The following ACCSL variants were observed in gnomAD, a reference collection of about 807,000 sequenced individuals.
The protein encoded by ACCSL is 1-aminocyclopropane-1-carboxylate synthase homolog (inactive) like.
A neutral mutation model predicts 61.7 loss-of-function variants in ACCSL; 55 were observed. That is an observed-to-expected ratio of 0.89 (90% CI 0.72 to 1.12). The LOEUF (loss-of-function observed/expected upper bound fraction) is 1.12, where lower values mean the gene tolerates loss of function less well. ACCSL is among the 50% of genes most tolerant of loss of function. The pLI is 0.00. For missense variants in ACCSL, 632 were observed against 698.0 expected (o/e 0.91, Z 1.07); for synonymous variants, 258 against 264.3 (o/e 0.98, Z 0.23).
chr11:43,929,655 C>T, the ACCSL span, among the ~76,000 whole-genome samples: 2 of 152,180 alleles, frequency 1.3e-5, no homozygotes, highest in Non-Finnish European at 2.9e-5. Context: ...GATCCACCCA[C>T]CTTGGCTTCC....
chr11:44,020,685 T>C, the ACCSL span, among the ~76,000 whole-genome samples: 1 of 152,190 alleles, frequency 6.6e-6, no homozygotes, highest in African/African-American at 2.4e-5. Context: ...GTTACATGGA[T>C]AAGTTCTTTA....
At chr11:44,038,960 T>C in the ACCSL span, among the ~76,000 whole-genome samples, 2 of 152,164 alleles carry the variant, frequency 1.3e-5, no homozygotes, top group African/African-American at 2.4e-5. Context: ...GCACAGGAAA[T>C]AGGGGATCAG....
At chr11:43,997,718 T>G in the ACCSL span, among the ~76,000 whole-genome samples, 1 of 152,242 alleles carries the variant, frequency 6.6e-6, no homozygotes, top group African/African-American at 2.4e-5. Context: ...CTGCAAGTAT[T>G]GGAAACCCCA....
the ACCSL span, among the ~76,000 whole-genome samples, chr11:44,003,500 A>C: frequency 6.7e-3 from 1,022 of 152,116 alleles, 5 homozygotes; most frequent in African/African-American, 0.023. Context: ...AAAAAGTACA[A>C]AAATTAGCTG....
chr11:43,932,443 A>G, the ACCSL span, among the ~76,000 whole-genome samples: 1 of 152,050 alleles, frequency 6.6e-6, no homozygotes, highest in Non-Finnish European at 1.5e-5. Flanking sequence ...AACTTTTTGT[A>G]TTTTTAGTAG....
At position 44,050,577 on chromosome 11, in the gene ACCSL, T is replaced by C. The variant is rs201175579; in HGVS notation, c.590T>C (p.Ile197Thr). 17 of 1,614,016 alleles carry C rather than the reference T, an allele frequency of 1.1e-5. No homozygotes were observed. Among genetic ancestry groups the C allele is most frequent in the East Asian group, 8.9e-5 (4 of 44,892 alleles). The change falls in exon 3 of 14, where the codon ATT becomes ACT. Residue 197 changes from isoleucine (I) to threonine (T), a missense_variant. By Grantham distance (89) the Ile-to-Thr change is moderately conservative (BLOSUM62 -1). Coordinates refer to ENST00000378832, the MANE Select transcript of ACCSL (RefSeq NM_001031854.2). The stretch of plus-strand genomic sequence containing the variant: ...TTGCAAGAAAGTGACATGAACTGCA[T>C]TGAGGACACCTTGCTTCAGTACCCT... ...ERLQESDMNC[I>T]EDTLLQYPDW...
intron 8 of ACCSL, among the ~76,000 whole-genome samples, chr11:44,054,447 CTTT>C (rs67313576): frequency 1.4e-5 from 2 of 138,420 alleles, no homozygotes. Context: ...TTCTTTCTTT[CTTT>C]TTTTTTTTTG....
chr11:44,026,052 C>A, the ACCSL span, among the ~76,000 whole-genome samples: 1 of 152,110 alleles, frequency 6.6e-6, no homozygotes, highest in African/African-American at 2.4e-5. Context: ...ACTTGTTGAG[C>A]TTCTTGGGTG....
chr11:43,988,494 G>T, the ACCSL span, among the ~76,000 whole-genome samples: 1 of 151,806 alleles, frequency 6.6e-6, no homozygotes, highest in Non-Finnish European at 1.5e-5. Context: ...ATCATCGCAT[G>T]TAGAAGGGGG....
the ACCSL span, chr11:43,943,509 A>C: frequency 7.4e-7 from 1 of 1,355,754 alleles, no homozygotes; most frequent in Non-Finnish European, 9.8e-7. The surrounding 1 kb of genome is among the most constrained non-coding windows in gnomAD (Gnocchi z 4.8). Flanking sequence ...GTAAATGTTT[A>C]TTTTTTAACT....
At chr11:44,017,598 A>C in the ACCSL span, among the ~76,000 whole-genome samples, 1 of 152,164 alleles carries the variant, frequency 6.6e-6, no homozygotes, top group Non-Finnish European at 1.5e-5. Context: ...TCAAGTGTTC[A>C]TGAGAAGAGT....
the ACCSL span, among the ~76,000 whole-genome samples, chr11:43,940,677 A>T: frequency 6.6e-6 from 1 of 152,080 alleles, no homozygotes; most frequent in East Asian, 1.9e-4. Context: ...TAACTTTGTA[A>T]CCTGCCACTA....
At chr11:43,961,086 G>T in the ACCSL span, among the ~76,000 whole-genome samples, 1 of 152,174 alleles carries the variant, frequency 6.6e-6, no homozygotes, top group South Asian at 2.1e-4. Context: ...CTTCCAAAGC[G>T]CTGGGATTAC....
the ACCSL span, chr11:43,942,306 G>C: frequency 5.8e-6 from 1 of 170,942 alleles, no homozygotes; most frequent in Non-Finnish European, 1.3e-5. Flanking sequence ...GGCCAACCCG[G>C]TTGGTGCAGA....
the ACCSL span, among the ~76,000 whole-genome samples, chr11:43,965,630 A>T: frequency 6.6e-6 from 1 of 152,206 alleles, no homozygotes; most frequent in Non-Finnish European, 1.5e-5. Flanking sequence ...TTCATGTAGA[A>T]TTGCAAGGCA....
At chr11:43,969,078 GTGGCTCAC>G in the ACCSL span, among the ~76,000 whole-genome samples, 3 of 152,200 alleles carry the variant, frequency 2.0e-5, no homozygotes, top group Non-Finnish European at 4.4e-5. Context: ...GCTGGGCAGA[GTGGCTCAC>G]ACCTGTAATC....
the ACCSL span, among the ~76,000 whole-genome samples, chr11:44,031,314 C>T: frequency 9.9e-5 from 15 of 152,278 alleles, no homozygotes; most frequent in East Asian, 2.9e-3. Context: ...TCCGGCTCCC[C>T]CAGGGTATCT....
chr11:44,052,906 A>G, intron 6 of ACCSL, 85 bp from the exon 7 acceptor site: 1 of 1,492,824 alleles, frequency 6.7e-7, no homozygotes, highest in South Asian at 1.1e-5. Context: ...TCTGGTATGA[A>G]GGCAAAGGAT....
the ACCSL span, among the ~76,000 whole-genome samples, chr11:43,933,909 G>GGCAGCCGCTGCAGCTGGTATCCCATT: frequency 6.6e-6 from 1 of 152,164 alleles, no homozygotes; most frequent in Non-Finnish European, 1.5e-5. Flanking sequence ...GCCCTGCCAT[G>GGCAGCCGCTGCAGCTGGTATCCCATT]GCAGCCGCTG....
Sources: gnomAD v4.1 joint callset for allele counts (sites outside exome capture counted in the v4.1 genomes callset) on GRCh38, gnomAD v4.1.1 for gene constraint, Gnocchi (gnomAD v3.1) non-coding constraint, MANE v1.5 for transcripts, NCBI Gene and HGNC (gene_info 2026-07-23, HGNC 2026-07-21) for gene names.